TRIM2: variants seen among roughly 807,000 people sequenced by gnomAD.
TRIM2 encodes the protein tripartite motif containing 2, also known as tripartite motif-containing protein 2.
Under a neutral mutation model 75.2 loss-of-function variants are expected in TRIM2, and 20 were observed. The observed-to-expected ratio is 0.27, with a 90% CI of 0.19 to 0.39. The LOEUF is 0.39. Ranked by LOEUF, TRIM2 falls within the 10% of genes least tolerant of loss-of-function variation. The probability of loss-of-function intolerance (pLI) is 1.00; values close to 1 mark genes in which losing one functional copy is unlikely to be tolerated. For missense variants in TRIM2, 660 were observed against 990.8 expected (o/e 0.67, Z 4.48); for synonymous variants, 373 against 388.3 (o/e 0.96, Z 0.46).
chr4:153,250,363 G>A (rs1167184676), intron 1 of TRIM2, among the ~76,000 whole-genome samples: 1 of 152,112 alleles, frequency 6.6e-6, no homozygotes, highest in Admixed American at 6.5e-5. Context: ...CAAGGGATCT[G>A]CCCACCTTGG....
intron 3 of TRIM2, among the ~76,000 whole-genome samples, chr4:153,289,269 T>A (rs1761346369): frequency 6.6e-6 from 1 of 152,202 alleles, no homozygotes; most frequent in African/African-American, 2.4e-5. Context: ...TGGTGACTTT[T>A]CTAAACTAAT....
chr4:153,328,449 C>A, intron 10 of TRIM2, 81 bp from the exon 11 acceptor site: 1 of 1,300,174 alleles, frequency 7.7e-7, no homozygotes, highest in Non-Finnish European at 1.0e-6. Context: ...ATAACCTGCT[C>A]AAATAGATAT....
intron 6 of TRIM2, chr4:153,308,305 C>A (rs1560989285): frequency 1.3e-6 from 2 of 1,501,466 alleles, no homozygotes; most frequent in East Asian, 4.5e-5. Context: ...TTCTCCAGAT[C>A]AGTCTTGTAC....
intron 1 of TRIM2, among the ~76,000 whole-genome samples, chr4:153,168,273 A>G (rs1338546789): frequency 2.0e-5 from 3 of 152,234 alleles, no homozygotes; most frequent in African/African-American, 7.2e-5. Flanking sequence ...AAAGTTATCC[A>G]TGATATATTC....
chr4:153,307,863 A>G (rs1313487708), intron 6 of TRIM2: 5 of 740,836 alleles, frequency 6.7e-6, no homozygotes, highest in Non-Finnish European at 1.3e-5. Context: ...CCTAATTTTC[A>G]ACATGTCCAC....
chr4:153,235,226 CAA>C (rs1349540247), intron 1 of TRIM2, among the ~76,000 whole-genome samples: 2 of 152,068 alleles, frequency 1.3e-5, no homozygotes, highest in Admixed American at 1.3e-4. Context: ...CTGAAGCACT[CAA>C]AGTCAGTTTG....
chr4:153,317,652 A>C (rs1024355240), intron 8 of TRIM2, among the ~76,000 whole-genome samples: 3 of 125,444 alleles, frequency 2.4e-5, no homozygotes, highest in Non-Finnish European at 5.3e-5. Context: ...TCTGTCTCAA[A>C]AAGAAAAAAA....
At chr4:153,255,813 T>C (rs565299649) in intron 1 of TRIM2, among the ~76,000 whole-genome samples, 1 of 152,312 alleles carries the variant, frequency 6.6e-6, no homozygotes, top group South Asian at 2.1e-4. Context: ...ATGGATGAAC[T>C]TGGAAAACAT....
intron 1 of TRIM2, among the ~76,000 whole-genome samples, chr4:153,260,746 GATC>G (rs148593406): frequency 8.5e-6 from 1 of 117,740 alleles, no homozygotes. Flanking sequence ...TCATCATCAT[GATC>G]ATCATCATCA....
chr4:153,191,864 G>T (rs139018434), intron 1 of TRIM2, among the ~76,000 whole-genome samples: 1 of 152,122 alleles, frequency 6.6e-6, no homozygotes, highest in Non-Finnish European at 1.5e-5. Flanking sequence ...TCATCGTGCC[G>T]CAAGTTAAGC....
chr4:153,188,065 C>T (rs773493100), intron 1 of TRIM2, among the ~76,000 whole-genome samples: 1 of 152,190 alleles, frequency 6.6e-6, no homozygotes, highest in Non-Finnish European at 1.5e-5. Context: ...CATATCTGCC[C>T]TTCAGGTTCC....
At chr4:153,204,387 C>T (rs1734814000), upstream of TRIM2, 1 of 859,086 alleles carries the variant, frequency 1.2e-6, no homozygotes, top group Non-Finnish European at 1.9e-6. Context: ...TAGCCCCGCC[C>T]CTTTGGCTTG....
At chr4:153,208,922 G>A (rs10020449) in intron 1 of TRIM2, among the ~76,000 whole-genome samples, 20,214 of 152,148 alleles carry the variant, frequency 0.13, 1,415 homozygotes, top group South Asian at 0.21. Flanking sequence ...TGGAGCAGTG[G>A]GTGGGTACTG....
At chr4:153,244,153 G>T (rs200171962) in intron 1 of TRIM2, among the ~76,000 whole-genome samples, 65 of 111,306 alleles carry the variant, frequency 5.8e-4, no homozygotes, top group East Asian at 2.8e-3. Flanking sequence ...TGTTCTTCTT[G>T]TTCTTCTTCT....
intron 6 of TRIM2, among the ~76,000 whole-genome samples, chr4:153,313,558 A>G (rs1766825180): frequency 6.6e-6 from 1 of 151,392 alleles, no homozygotes; most frequent in Non-Finnish European, 1.5e-5. Context: ...ATTAGCCACC[A>G]CCAGTGCATC....
intron 8 of TRIM2, among the ~76,000 whole-genome samples, chr4:153,319,033 G>C (rs906979191): frequency 6.6e-6 from 1 of 152,172 alleles, no homozygotes; most frequent in South Asian, 2.1e-4. Flanking sequence ...CATCCAAGTG[G>C]AATATCCACA....
intron 6 of TRIM2, chr4:153,307,804 G>A: frequency 1.4e-6 from 1 of 723,974 alleles, no homozygotes; most frequent in East Asian, 2.6e-5. Flanking sequence ...TTAGTGTCTT[G>A]CTGGATGTAA....
At chr4:153,217,849 C>A (rs1430501958) in intron 1 of TRIM2, among the ~76,000 whole-genome samples, 4 of 152,136 alleles carry the variant, frequency 2.6e-5, no homozygotes, top group African/African-American at 9.7e-5. Flanking sequence ...TCTCCAAGTT[C>A]TCCAAAGAAA....
intron 1 of TRIM2, among the ~76,000 whole-genome samples, chr4:153,228,084 C>T (rs1742631940): frequency 6.6e-6 from 1 of 152,172 alleles, no homozygotes; most frequent in Admixed American, 6.5e-5. Flanking sequence ...TTTAGCGTGA[C>T]CAGTGAGATG....
Sources: gnomAD v4.1 joint callset for allele counts (sites outside exome capture counted in the v4.1 genomes callset) on GRCh38, gnomAD v4.1.1 for gene constraint, MANE v1.5 for transcripts, NCBI Gene and HGNC (gene_info 2026-07-23, HGNC 2026-07-21) for gene names.